The following ZNF215 variants were observed in gnomAD, a reference collection of about 807,000 sequenced individuals.
The protein encoded by ZNF215 is zinc finger protein 215, also known as BWSCR2-associated zinc finger protein 2.
In ZNF215, 24 loss-of-function variants were observed where a neutral mutation model predicts 27.2. The ratio of observed to expected loss-of-function variants is 0.88; its 90% CI spans 0.64 to 1.24. ZNF215 has a LOEUF of 1.24. Ranked by LOEUF, ZNF215 falls within the 50% of genes most tolerant of loss-of-function variation. ZNF215 has a pLI of 0.00. For synonymous variants in ZNF215, 210 were observed against 204.0 expected, an observed-to-expected ratio of 1.03 and a Z score of -0.25; for missense variants, 675 against 605.7, an observed-to-expected ratio of 1.11 and a Z score of -1.20.
At chr11:6,975,025 G>A (rs1366751592) in intron 5 of ZNF215, among the ~76,000 whole-genome samples, 1 of 152,082 alleles carries the variant, frequency 6.6e-6, no homozygotes, top group Non-Finnish European at 1.5e-5. Flanking sequence ...TATTGGCTGT[G>A]GGTTTGTCAT....
Position 6,930,501 on chromosome 11 carries a change from C to T in ZNF215, c.-179-1593C>T, listed in dbSNP as rs184832839. ...AAATTTCTAGTCAAACATTGAGAAA[C>T]CTGGCTCTTACCACTCATCTGCCAT... On this transcript the variant is annotated intron_variant, in intron 2 of 6. Transcript: ENST00000278319. 3.3e-5 allele frequency among the ~76,000 whole-genome samples: 5 copies of T among 152,284 alleles called. No individual in the cohort carries two copies. The East Asian group carries it at 9.6e-4, about 29-fold the overall frequency.
At chr11:6,988,556 C>T (rs1851084607), downstream of ZNF215, 1 of 152,162 alleles carries the variant, frequency 6.6e-6, no homozygotes, top group Non-Finnish European at 1.5e-5. Context: ...CTCCAAAATG[C>T]TAGCAACAAC....
intron 6 of ZNF215, among the ~76,000 whole-genome samples, chr11:6,949,831 G>A (rs1399797629): frequency 6.6e-6 from 1 of 151,594 alleles, no homozygotes; most frequent in East Asian, 1.9e-4. Context: ...GAATGGTAAT[G>A]CCTAGGTTTT....
chr11:6,981,129 A>G lies in ZNF215; in HGVS notation c.806-3000A>G, dbSNP rs1215108341. On this transcript the variant is annotated intron_variant, in intron 5 of 5. Transcript: ENST00000529903. ...TAGTCCTTTGGGTATATACCCAGTA[A>G]TGGGATGGCTGGGTCAAATGGTATT... Among the ~76,000 whole-genome samples, 12 of 151,290 alleles carry G rather than the reference A, an allele frequency of 7.9e-5. No individual in the cohort carries two copies. The South Asian group carries it at 2.1e-3, about 27-fold the overall frequency.
chr11:6,948,949 C>A (rs2133255089), intron 6 of ZNF215, among the ~76,000 whole-genome samples: 1 of 136,744 alleles, frequency 7.3e-6, no homozygotes, highest in African/African-American at 2.7e-5. Flanking sequence ...CTTCCTGTGT[C>A]CATGTGTTCT....
At position 6,956,211 on chromosome 11, in the gene ZNF215, T is replaced by C. The variant is rs772802597; in HGVS notation, c.1234T>C (p.Cys412Arg). 1.1e-5 allele frequency: 17 copies of C among 1,613,034 alleles called. No homozygotes were observed. Among genetic ancestry groups the C allele is most frequent in the Non-Finnish European group, 1.4e-5 (16 of 1,179,684 alleles). The change falls in exon 7 of 7, where the codon TGT (cysteine) becomes CGT (arginine). Residue 412 changes from cysteine to arginine, a missense_variant. Cys to Arg is a radical substitution (Grantham distance 180). Coordinates refer to ENST00000278319, the MANE Select transcript of ZNF215 (RefSeq NM_013250.4). ...AGAGAAACCCTATAAATGCAGTGAA[T>C]GTGGGAGATTCTTCAACCGACGTAC... is the stretch of plus-strand genomic sequence containing the variant. ...TGEKPYKCSE[C>R]GRFFNRRTNL...
At chr11:6,977,342 A>G (rs1352905204) in intron 5 of ZNF215, among the ~76,000 whole-genome samples, 2 of 151,926 alleles carry the variant, frequency 1.3e-5, no homozygotes, top group South Asian at 2.1e-4. Flanking sequence ...TATCTGTACT[A>G]TATACTCTAC....
At chr11:6,991,301 G>A (rs1229529672), downstream of ZNF215, among the ~76,000 whole-genome samples, 5 of 152,298 alleles carry the variant, frequency 3.3e-5, no homozygotes, top group East Asian at 9.7e-4. Context: ...TAGCCTCCCT[G>A]CTTCCCTCCA....
chr11:6,955,488 C>G (rs980973275), intron 6 of ZNF215, among the ~76,000 whole-genome samples: 2 of 152,034 alleles, frequency 1.3e-5, no homozygotes, highest in African/African-American at 4.8e-5. Context: ...TCCAGAATAG[C>G]TCTCCTATTT....
intron 6 of ZNF215, among the ~76,000 whole-genome samples, chr11:6,950,893 T>C (rs1236897477): frequency 6.6e-6 from 1 of 151,818 alleles, no homozygotes; most frequent in Admixed American, 6.6e-5. Context: ...TCTTATTATT[T>C]TGAGATACGT....
chr11:6,956,068 G>A lies in ZNF215; in HGVS notation c.1091G>A (p.Ser364Asn), dbSNP rs1850330173. 1.2e-6 allele frequency: 2 copies of A among 1,611,208 alleles called. No homozygotes were observed. Among genetic ancestry groups the A allele is most frequent in the African/African-American group, 1.3e-5 (1 of 74,796 alleles). The change falls in exon 7 of 7, where the codon AGT (serine) becomes AAT (asparagine). Residue 364 changes from serine to asparagine, a missense_variant. Ser to Asn is a conservative substitution (Grantham distance 46, BLOSUM62 1). Coordinates refer to ENST00000278319, the MANE Select transcript of ZNF215 (RefSeq NM_013250.4). ...GAATATGGGAATGACTTGAGTTTGAGTACAGATATTCGACACCAAAAAAGT... is the reference window on the plus strand; with the variant it reads ...GAATATGGGAATGACTTGAGTTTGAATACAGATATTCGACACCAAAAAAGT... Reference protein sequence around the residue: ...EYEYGNDLSLSTDIRHQKSHT... With the variant: ...EYEYGNDLSLNTDIRHQKSHT...
chr11:6,946,166 TA>T (rs1407616191), intron 6 of ZNF215, among the ~76,000 whole-genome samples: 1 of 152,150 alleles, frequency 6.6e-6, no homozygotes, highest in African/African-American at 2.4e-5. Flanking sequence ...CTAGTCTAGG[TA>T]CCATCATCTC....
intron 6 of ZNF215, among the ~76,000 whole-genome samples, chr11:6,953,243 G>A (rs189677438): frequency 1.2e-4 from 18 of 152,238 alleles, no homozygotes; most frequent in African/African-American, 3.6e-4. Flanking sequence ...GAGTATGTTT[G>A]TGGCATTCTC....
At chr11:6,942,936 A>C in intron 4 of ZNF215, 147 bp from the exon 5 acceptor site, 1 of 1,236,974 alleles carries the variant, frequency 8.1e-7, no homozygotes, top group Non-Finnish European at 1.1e-6. Flanking sequence ...GATTTTCATC[A>C]CTTAGAACCT....
chr11:6,955,661 A>G, intron 6 of ZNF215, 29 bp from the exon 7 acceptor site: 2 of 1,525,464 alleles, frequency 1.3e-6, no homozygotes, highest in Non-Finnish European at 1.8e-6. Flanking sequence ...TTTCCCTTCT[A>G]GTTCATGGCA....
intron 5 of ZNF215, among the ~76,000 whole-genome samples, chr11:6,975,741 G>A (rs892646305): frequency 6.6e-6 from 1 of 151,898 alleles, no homozygotes; most frequent in Non-Finnish European, 1.5e-5. Flanking sequence ...TTCTTTATCC[G>A]TTCCTCTGCT....
At chr11:6,933,800 A>G (rs1417013227) in intron 3 of ZNF215, among the ~76,000 whole-genome samples, 1 of 62,490 alleles carries the variant, frequency 1.6e-5, no homozygotes, top group Non-Finnish European at 3.0e-5. Context: ...ATCTCAAAAA[A>G]AAAAAAAAAA....
At chr11:6,959,561 A>C (rs1249463672), downstream of ZNF215, among the ~76,000 whole-genome samples, 4 of 152,170 alleles carry the variant, frequency 2.6e-5, no homozygotes, top group African/African-American at 9.7e-5. Context: ...AAACTGTTAG[A>C]TTTAATAAAT....
chr11:6,941,830 GTC>G (rs1849640267), intron 4 of ZNF215, among the ~76,000 whole-genome samples, 177 bp downstream of exon 4: 1 of 152,188 alleles, frequency 6.6e-6, no homozygotes. Context: ...TAGCCATATA[GTC>G]TCTGTGTATC....
Sources: allele counts gnomAD v4.1 joint callset (sites outside exome capture counted in the v4.1 genomes callset), GRCh38; gene constraint gnomAD v4.1.1; transcripts MANE v1.5; gene names NCBI Gene and HGNC (gene_info 2026-07-23, HGNC 2026-07-21).